Variants in VPS13C observed in about 807,000 individuals in gnomAD.
The protein encoded by VPS13C is intermembrane lipid transfer protein VPS13C.
A neutral mutation model predicts 456.8 loss-of-function variants in VPS13C; 358 were observed. The observed-to-expected ratio is 0.78, with a 90% confidence interval of 0.72 to 0.86. The LOEUF (loss-of-function observed/expected upper bound fraction) is 0.86, where lower values mean the gene tolerates loss of function less well. Ranked by LOEUF, VPS13C falls within the 40% of genes least tolerant of loss-of-function variation. VPS13C has a pLI of 0.00. For missense variants in VPS13C, 4,818 were observed against 4,385.4 expected (o/e 1.10, Z -2.79); for synonymous variants, 1,578 against 1,486.7 (o/e 1.06, Z -1.41).
intron 22 of VPS13C, among the ~76,000 whole-genome samples, chr15:61,980,738 A>G (rs2045858225): frequency 6.6e-6 from 1 of 152,182 alleles, no homozygotes; most frequent in Admixed American, 6.5e-5. Flanking sequence ...TCAATCCTTG[A>G]GAGATGGACT....
chr15:61,913,398 TG>T lies in VPS13C; in HGVS notation c.8462del (p.Ser2821Ter). On this transcript the variant is annotated frameshift_variant, in exon 62 of 85. Coordinates refer to ENST00000644861, the MANE Select transcript of VPS13C (RefSeq NM_020821.3). LOFTEE classifies it high-confidence loss of function. ...AGAAACTACTGGACCAGGCACTGGT[TG>T]AAATTTTTAATTGTACCTATACCAG... The part of the protein sequence containing the change: ...FTKNKVQLKI[S>X]TSAWSSSFSL... 6.2e-7 allele frequency: 1 copy of T among 1,614,058 alleles called. No individual in the cohort carries two copies. The highest frequency in any genetic ancestry group is 8.5e-7 in the Non-Finnish European group (1 of 1,179,922).
intron 43 of VPS13C, among the ~76,000 whole-genome samples, chr15:61,946,781 C>T (rs967218056): frequency 2.0e-5 from 3 of 151,946 alleles, no homozygotes; most frequent in African/African-American, 7.2e-5. Flanking sequence ...ATTTGTTAAA[C>T]AGTGATCTTA....
chr15:61,931,959 A>T (rs2044074067), intron 49 of VPS13C, among the ~76,000 whole-genome samples: 1 of 152,214 alleles, frequency 6.6e-6, no homozygotes, highest in Non-Finnish European at 1.5e-5. Flanking sequence ...AGAGTAAGGC[A>T]TGGTAGATGA....
At chr15:62,039,577 A>AC (rs1443195086) in intron 3 of VPS13C, among the ~76,000 whole-genome samples, 2 of 152,210 alleles carry the variant, frequency 1.3e-5, no homozygotes, top group African/African-American at 4.8e-5. Context: ...TCAAAAGAAG[A>AC]CATACAAATG....
At chr15:61,863,646 C>T (rs1894350599) in intron 81 of VPS13C, 118 bp from the exon 82 acceptor site, 2 of 598,004 alleles carry the variant, frequency 3.3e-6, no homozygotes, top group Non-Finnish European at 5.8e-6. Flanking sequence ...GAAATAAAAG[C>T]ACAATTCTAC....
chr15:61,920,785 G>T, intron 55 of VPS13C, 138 bp from the exon 56 acceptor site: 1 of 686,076 alleles, frequency 1.5e-6, no homozygotes, highest in Non-Finnish European at 2.2e-6. Flanking sequence ...AATATACCAT[G>T]CTTCACTTTG....
chr15:62,003,061 G>T (rs371185942), intron 15 of VPS13C, among the ~76,000 whole-genome samples: 29 of 152,162 alleles, frequency 1.9e-4, no homozygotes, highest in Middle Eastern at 3.4e-3. Context: ...GTGAAGAAAG[G>T]CATTGGTAGC....
At chr15:61,924,770 G>GA (rs34546611) in intron 53 of VPS13C, among the ~76,000 whole-genome samples, 8,741 of 152,142 alleles carry the variant, frequency 0.057, 312 homozygotes, top group Non-Finnish European at 0.081. Context: ...GTTGGTCACG[G>GA]ACCTATATAA....
chr15:61,871,259 G>C (rs1895008770), intron 79 of VPS13C, among the ~76,000 whole-genome samples: 1 of 152,074 alleles, frequency 6.6e-6, no homozygotes, highest in African/African-American at 2.4e-5. Flanking sequence ...AATCCATTGT[G>C]AACTCATTTT....
chr15:61,907,403 G>C lies in VPS13C; in HGVS notation c.8979-13C>G. On this transcript the variant is annotated splice_polypyrimidine_tract_variant and intron_variant, in intron 65 of 84. Coordinates refer to ENST00000644861, the MANE Select transcript of VPS13C (RefSeq NM_020821.3). ...TTCTGGTGACCCACTAAAACACAATGAACAGAGAGAAAATCAGAATATCTT... is the reference window on the plus strand; with the variant it reads ...TTCTGGTGACCCACTAAAACACAATCAACAGAGAGAAAATCAGAATATCTT... 6.2e-7 allele frequency: 1 copy of C among 1,612,118 alleles called. No individual in the cohort carries two copies. The highest frequency in any genetic ancestry group is 1.1e-5 in the South Asian group (1 of 90,752).
chr15:61,860,083 A>G (rs2140841167), intron 82 of VPS13C, among the ~76,000 whole-genome samples: 1 of 152,298 alleles, frequency 6.6e-6, no homozygotes, highest in African/African-American at 2.4e-5. Flanking sequence ...TCAATAATAC[A>G]TTTGACAAAA....
Position 61,929,645 on chromosome 15 carries a change from G to T in VPS13C, c.6142C>A (p.Leu2048Met). 1 of 1,614,010 alleles carries T rather than the reference G, an allele frequency of 6.2e-7. No homozygotes were observed. The highest frequency in any genetic ancestry group is 8.5e-7 in the Non-Finnish European group (1 of 1,179,974). The change falls in exon 51 of 85, where the codon CTG becomes ATG. Residue 2048 changes from leucine (L) to methionine (M), a missense_variant. By Grantham distance (15) the Leu-to-Met change is conservative. This residue lies in a region of VPS13C where 4,552 missense variants were observed against 4,130.6 expected (regional missense o/e 1.10). Coordinates refer to ENST00000644861, the MANE Select transcript of VPS13C (RefSeq NM_020821.3). ...GSQIDAVLDK[L>M]YVCASVEFLM... ...AATTCCACACTGGCACATACATACA[G>T]CTTGTCAAGAACAGCATCAATTTGA...
chr15:61,902,858 G>C (rs557605823), intron 66 of VPS13C, among the ~76,000 whole-genome samples: 1 of 121,384 alleles, frequency 8.2e-6, no homozygotes, highest in Admixed American at 8.9e-5. Flanking sequence ...TCAGGCAAGC[G>C]AAAGAAAAAA....
rs778667675 is a variant in VPS13C at position 61,920,645 on chromosome 15, T to C, written c.7065A>G (p.Val2355=). The C allele has an allele frequency of 6.4e-7, 1 of 1,562,038 alleles. No individual in the cohort carries two copies. Among genetic ancestry groups the C allele is most frequent in the Non-Finnish European group, 8.6e-7 (1 of 1,163,914 alleles). The part of the protein sequence containing the change: ...GKRQWNLRLD[V]KKNPVQDKSL... ...TTTTATCCTGAACTGGGTTCTTCTT[T>C]ACCTATGAAGAAAAATAACACAGCA... Residue 2355 remains valine (V), a splice_region_variant and synonymous_variant, in exon 56 of 85, where the codon GTA becomes GTG. Coordinates refer to ENST00000644861, the MANE Select transcript of VPS13C (RefSeq NM_020821.3).
At chr15:62,010,397 A>G in intron 13 of VPS13C, 75 bp downstream of exon 13, 3 of 1,382,588 alleles carry the variant, frequency 2.2e-6, no homozygotes, top group Non-Finnish European at 2.8e-6. Context: ...CAACCACTAG[A>G]GAAGTAATAA....
chr15:61,979,234 G>A (rs1189646341), intron 22 of VPS13C, among the ~76,000 whole-genome samples: 1 of 152,178 alleles, frequency 6.6e-6, no homozygotes, highest in Non-Finnish European at 1.5e-5. Flanking sequence ...GAGTATACAA[G>A]GGATCTTCAA....
At position 61,873,508 on chromosome 15, in the gene VPS13C, G is replaced by A. The variant is rs1457081296; in HGVS notation, c.10415-99C>T. The A allele has an allele frequency of 1.1e-5, 13 of 1,177,788 alleles. No homozygotes were observed. In the Admixed American group the frequency reaches 1.6e-4, roughly 14 times the overall value. The allele number at this position is 1,177,788 out of a possible 1,614,324, so 73.0% of individuals were successfully genotyped here. A position where few individuals can be genotyped will look rare whatever the true frequency, so the allele number is the denominator to read the frequency against. ...TAATCTGATTTTAAAATAGGCAAAC[G>A]ATCTGAATAAATATTTCTGAAAAGG... On this transcript the variant is annotated intron_variant, in intron 77 of 84. Transcript: ENST00000644861.
chr15:62,001,150 T>G (rs1358272152), intron 15 of VPS13C, among the ~76,000 whole-genome samples: 1 of 152,234 alleles, frequency 6.6e-6, no homozygotes, highest in Non-Finnish European at 1.5e-5. Flanking sequence ...GTGTTCCAAG[T>G]GCTTTATGTG....
In VPS13C at chr15:61,882,608, C is replaced by T. The variant is rs148759901; in HGVS notation, c.9612G>A (p.Leu3204=). 12 of 1,549,938 alleles carry T rather than the reference C, an allele frequency of 7.7e-6. No homozygotes were observed. In the African/African-American group the frequency reaches 1.5e-4, roughly 20 times the overall value. Residue 3204 remains leucine, a synonymous_variant, in exon 69 of 85, where the codon TTG becomes TTA. Coordinates refer to ENST00000644861, the MANE Select transcript of VPS13C (RefSeq NM_020821.3). The part of the protein sequence containing the change: ...SSHQRSLRAR[L]YWLQVDNQLP... ...ATGACAATGTTACCTGAAGCCAGTA[C>T]AACCTGGCCCTTAAACTTCTCTGGT...
Sources: allele counts gnomAD v4.1 joint callset (sites outside exome capture counted in the v4.1 genomes callset), GRCh38; gene constraint gnomAD v4.1.1; regional missense constraint gnomAD v4.1.1; transcripts MANE v1.5; gene names NCBI Gene and HGNC (gene_info 2026-07-23, HGNC 2026-07-21).